The following PTPN12 variants were observed in gnomAD, a reference collection of about 807,000 sequenced individuals.
PTPN12 encodes the protein tyrosine-protein phosphatase non-receptor type 12.
In PTPN12, 29 loss-of-function variants were observed where a neutral mutation model predicts 97.6. The ratio of observed to expected loss-of-function variants is 0.30; its 90% CI spans 0.22 to 0.41. The LOEUF (loss-of-function observed/expected upper bound fraction) is 0.41. Among genes scored for constraint, PTPN12 ranks in the 10% least tolerant of loss-of-function variants. The probability of loss-of-function intolerance (pLI) is 1.00; values close to 1 mark genes in which losing one functional copy is unlikely to be tolerated. For missense variants in PTPN12, 819 were observed against 926.0 expected, an observed-to-expected ratio of 0.88 and a Z score of 1.50; for synonymous variants, 327 against 300.4, an observed-to-expected ratio of 1.09 and a Z score of -0.91.
chr7:77,564,753 T>TA (rs1562715116), intron 1 of PTPN12, among the ~76,000 whole-genome samples: 2 of 81,626 alleles, frequency 2.5e-5, no homozygotes, highest in African/African-American at 1.1e-4. Context: ...CGTGTTTTTT[T>TA]TTTTTTTTTT....
At chr7:77,596,997 C>G (rs199614805) in intron 6 of PTPN12, among the ~76,000 whole-genome samples, 1 of 108,630 alleles carries the variant, frequency 9.2e-6, no homozygotes, top group East Asian at 8.4e-4. Context: ...AGAATAGTGT[C>G]ATTGCTCTAA....
At chr7:77,634,736 C>T (rs1009866211) in intron 14 of PTPN12, among the ~76,000 whole-genome samples, 37 of 152,138 alleles carry the variant, frequency 2.4e-4, no homozygotes, top group African/African-American at 7.7e-4. Context: ...CCACCACGCC[C>T]GGCTAATTTT....
At chr7:77,592,963 C>T (rs1439700568) in intron 6 of PTPN12, among the ~76,000 whole-genome samples, 2 of 152,040 alleles carry the variant, frequency 1.3e-5, no homozygotes, top group African/African-American at 4.8e-5. Flanking sequence ...TGTAATTGAA[C>T]ATAACCTAAA....
chr7:77,611,444 T>C (rs1432818673), intron 11 of PTPN12, among the ~76,000 whole-genome samples: 1 of 152,210 alleles, frequency 6.6e-6, no homozygotes, highest in Non-Finnish European at 1.5e-5. Context: ...TATGCTTTTC[T>C]TTTCTTTTCT....
chr7:77,589,299 A>G (rs1787792059), intron 5 of PTPN12, among the ~76,000 whole-genome samples: 1 of 152,184 alleles, frequency 6.6e-6, no homozygotes, highest in African/African-American at 2.4e-5. Context: ...TGGTATTTTT[A>G]TGCTATGTCG....
intron 6 of PTPN12, among the ~76,000 whole-genome samples, chr7:77,595,493 G>T (rs1416858966): frequency 1.3e-5 from 2 of 152,150 alleles, no homozygotes; most frequent in Non-Finnish European, 2.9e-5. Flanking sequence ...TAAGCACTTA[G>T]ACTGGATGTC....
At chr7:77,637,776 G>GA (rs977886733) in intron 16 of PTPN12, among the ~76,000 whole-genome samples, 1 of 139,268 alleles carries the variant, frequency 7.2e-6, no homozygotes, top group African/African-American at 2.7e-5. Flanking sequence ...AGAATCCCTT[G>GA]AACCCCGGAG....
chr7:77,587,310 A>G (rs1787722025), intron 5 of PTPN12, among the ~76,000 whole-genome samples: 1 of 152,204 alleles, frequency 6.6e-6, no homozygotes, highest in Non-Finnish European at 1.5e-5. Context: ...ATGAAAACAT[A>G]TTAATCTCCT....
chr7:77,566,583 G>A (rs1261686393), intron 1 of PTPN12, among the ~76,000 whole-genome samples: 1 of 152,106 alleles, frequency 6.6e-6, no homozygotes. Context: ...GCCAGGCGTG[G>A]CGGTGCGTGC....
At position 77,617,099 on chromosome 7, in the gene PTPN12, G is replaced by A. The variant is rs183249197; in HGVS notation, c.940-1381G>A. ...CGCCCAGCCTAGGGGGTACCTTTTTGATGCAGAGTCTCTAAATTCTGGTGG... is the reference window on the plus strand; with the variant it reads ...CGCCCAGCCTAGGGGGTACCTTTTTAATGCAGAGTCTCTAAATTCTGGTGG... On this transcript the variant is annotated intron_variant, in intron 11 of 17. Transcript: ENST00000248594. 3.3e-3 allele frequency among the ~76,000 whole-genome samples: 507 copies of A among 152,182 alleles called. 4 individuals carry two copies. The highest frequency in any genetic ancestry group is 0.011 in the African/African-American group (442 of 41,546).
chr7:77,563,902 C>T (rs187024628), intron 1 of PTPN12: 11 of 435,190 alleles, frequency 2.5e-5, no homozygotes, highest in Admixed American at 1.5e-4. Context: ...TAACCATTAT[C>T]GTTAGTGATG....
chr7:77,540,979 C>T (rs1418667002), intron 1 of PTPN12, among the ~76,000 whole-genome samples: 4 of 152,180 alleles, frequency 2.6e-5, no homozygotes, highest in African/African-American at 9.7e-5. Flanking sequence ...TTCAAATGAA[C>T]ACTCCACTTG....
chr7:77,569,744 C>G (rs1808398412), intron 1 of PTPN12, among the ~76,000 whole-genome samples: 2 of 152,186 alleles, frequency 1.3e-5, no homozygotes, highest in Non-Finnish European at 2.9e-5. Context: ...GCACTCCAGC[C>G]TGGGCAACAG....
chr7:77,554,869 G>A (rs890897474), intron 1 of PTPN12, among the ~76,000 whole-genome samples: 2 of 151,998 alleles, frequency 1.3e-5, no homozygotes, highest in African/African-American at 4.8e-5. Flanking sequence ...TTCTGTTTTT[G>A]TAGAAACGAG....
At chr7:77,599,086 TA>T (rs1357842255) in intron 7 of PTPN12, among the ~76,000 whole-genome samples, 1 of 151,646 alleles carries the variant, frequency 6.6e-6, no homozygotes, top group Non-Finnish European at 1.5e-5. Context: ...TCACATTACA[TA>T]AAAAGTAATA....
intron 2 of PTPN12, among the ~76,000 whole-genome samples, chr7:77,580,973 A>C (rs572690292): frequency 1.3e-5 from 2 of 152,364 alleles, no homozygotes; most frequent in South Asian, 4.1e-4. Context: ...GAATTTTAAA[A>C]GAGTTCCAGA....
intron 5 of PTPN12, among the ~76,000 whole-genome samples, chr7:77,586,382 T>C (rs1787691265): frequency 6.6e-6 from 1 of 152,222 alleles, no homozygotes; most frequent in Non-Finnish European, 1.5e-5. Context: ...CTGATCAAGT[T>C]GGTATTTGCT....
At chr7:77,637,883 G>C (rs1227894485) in intron 16 of PTPN12, among the ~76,000 whole-genome samples, 1 of 136,582 alleles carries the variant, frequency 7.3e-6, no homozygotes, top group African/African-American at 2.7e-5. Flanking sequence ...AAAACAAGTA[G>C]AGTTATTATT....
intron 1 of PTPN12, chr7:77,538,718 C>T (rs796142801): frequency 1.3e-5 from 2 of 152,476 alleles, no homozygotes; most frequent in African/African-American, 4.8e-5. Context: ...ACCCACCCCC[C>T]CAACCCCCGC....
Sources: allele counts gnomAD v4.1 joint callset (sites outside exome capture counted in the v4.1 genomes callset), GRCh38; gene constraint gnomAD v4.1.1; transcripts MANE v1.5; gene names NCBI Gene and HGNC (gene_info 2026-07-23, HGNC 2026-07-21).